PTPRD: variants seen among roughly 807,000 people sequenced by gnomAD.
PTPRD encodes protein tyrosine phosphatase receptor type D, also known as receptor-type tyrosine-protein phosphatase delta.
A neutral mutation model predicts 214.5 loss-of-function variants in PTPRD; 34 were observed. The ratio of observed to expected loss-of-function variants is 0.16; its 90% confidence interval spans 0.12 to 0.21. The LOEUF (loss-of-function observed/expected upper bound fraction) is 0.21. PTPRD is among the 10% of genes least tolerant of loss of function. The pLI, the probability that PTPRD is intolerant of heterozygous loss-of-function variation, is 1.00. For missense variants in PTPRD, 2,545 were observed against 2,398.7 expected (o/e 1.06, Z -1.27); for synonymous variants, 1,128 against 845.7 (o/e 1.33, Z -5.79).
At chr9:9,733,050 T>C (rs572106856) in intron 7 of PTPRD, among the ~76,000 whole-genome samples, 3 of 152,274 alleles carry the variant, frequency 2.0e-5, no homozygotes, top group African/African-American at 7.2e-5. Context: ...TCTCCAAAGG[T>C]AATGCAAAAT....
chr9:8,382,689 T>A (rs16927703), intron 37 of PTPRD, among the ~76,000 whole-genome samples: 1 of 152,196 alleles, frequency 6.6e-6, no homozygotes, highest in East Asian at 1.9e-4. Context: ...ATTGCCAACA[T>A]GAGCATCATT....
rs75530486 is a variant in PTPRD at position 8,610,013 on chromosome 9, A to C, written c.352+23304T>G. 4.8e-3 allele frequency among the ~76,000 whole-genome samples: 733 copies of C among 152,296 alleles called. 9 individuals carry two copies. Among genetic ancestry groups the C allele is most frequent in the African/African-American group, 0.017 (694 of 41,588 alleles). On this transcript the variant is annotated intron_variant, in intron 14 of 45. Transcript: ENST00000381196. The stretch of plus-strand genomic sequence containing the variant: ...TCAGGCTCCCTATTAGTAAAGTGGG[A>C]GAACTAATTTTCTACCTATCCCTCA...
At chr9:9,125,810 C>A (rs943936947) in intron 10 of PTPRD, among the ~76,000 whole-genome samples, 1 of 152,228 alleles carries the variant, frequency 6.6e-6, no homozygotes, top group African/African-American at 2.4e-5. Context: ...ACACAAACAA[C>A]AAATAAAGAG....
At chr9:9,516,526 A>ATTTTG (rs1386165072) in intron 8 of PTPRD, among the ~76,000 whole-genome samples, 1 of 149,936 alleles carries the variant, frequency 6.7e-6, no homozygotes, top group Non-Finnish European at 1.5e-5. Flanking sequence ...TATTTATTTT[A>ATTTTG]TTTTATTTTA....
At chr9:9,817,503 G>T (rs190640764) in intron 5 of PTPRD, among the ~76,000 whole-genome samples, 2 of 152,182 alleles carry the variant, frequency 1.3e-5, no homozygotes, top group East Asian at 3.9e-4. Flanking sequence ...TGTCTTTAGA[G>T]GCCAAATCTA....
chr9:10,264,331 G>A (rs527814115), intron 3 of PTPRD, among the ~76,000 whole-genome samples: 1 of 152,180 alleles, frequency 6.6e-6, no homozygotes, highest in Non-Finnish European at 1.5e-5. Context: ...CTCAATGGCA[G>A]TCCACAAAGG....
intron 3 of PTPRD, among the ~76,000 whole-genome samples, chr9:10,320,586 A>T (rs183076909): frequency 2.0e-5 from 3 of 152,150 alleles, no homozygotes; most frequent in African/African-American, 7.2e-5. Flanking sequence ...ATAACCCAAA[A>T]TATAACCCTG....
chr9:8,823,438 G>C (rs995168465), intron 11 of PTPRD, among the ~76,000 whole-genome samples: 3 of 152,176 alleles, frequency 2.0e-5, no homozygotes, highest in African/African-American at 7.2e-5. Context: ...TTTCCAAGCT[G>C]ATTTCCTTAT....
chr9:9,542,070 G>C (rs1266102133), intron 8 of PTPRD, among the ~76,000 whole-genome samples: 2 of 151,472 alleles, frequency 1.3e-5, no homozygotes, highest in Admixed American at 6.6e-5. Flanking sequence ...TCTTTGAAAA[G>C]ATCAAGAAAA....
intron 9 of PTPRD, among the ~76,000 whole-genome samples, chr9:9,191,317 T>C (rs2099935020): frequency 1.3e-5 from 2 of 152,060 alleles, no homozygotes; most frequent in Admixed American, 6.6e-5. Flanking sequence ...CTTCTGAGCC[T>C]TACCAAAAGC....
At chr9:9,663,859 T>A (rs916028581) in intron 7 of PTPRD, among the ~76,000 whole-genome samples, 1 of 151,502 alleles carries the variant, frequency 6.6e-6, no homozygotes, top group Admixed American at 6.6e-5. Flanking sequence ...AAAGCAAAGT[T>A]GTATGTGAAA....
At chr9:10,241,850 T>G (rs923165549) in intron 3 of PTPRD, among the ~76,000 whole-genome samples, 1 of 151,994 alleles carries the variant, frequency 6.6e-6, no homozygotes, top group Non-Finnish European at 1.5e-5. Flanking sequence ...TTGTCAATGA[T>G]ACTGCAATAA....
rs115085732 is a variant in PTPRD, at chr9:10,490,586, T to C, written c.-600+121812A>G. Among the ~76,000 whole-genome samples the C allele has an allele frequency of 2.3e-3, 346 of 152,298 alleles. 2 individuals carry two copies. The highest frequency in any genetic ancestry group is 8.0e-3 in the African/African-American group (332 of 41,582). The stretch of plus-strand genomic sequence containing the variant: ...ATTTCTTAAGTTTATTTGTCATTAG[T>C]TTGGCTTGAAATTTAAATGATTTTG... On this transcript the variant is annotated intron_variant, in intron 2 of 45. Coordinates refer to ENST00000381196, the MANE Select transcript of PTPRD (RefSeq NM_002839.4).
intron 11 of PTPRD, among the ~76,000 whole-genome samples, chr9:8,741,254 C>A (rs1348603724): frequency 6.6e-6 from 1 of 151,994 alleles, no homozygotes; most frequent in Non-Finnish European, 1.5e-5. Context: ...TGTTCCCCTA[C>A]AAATAGAACT....
chr9:8,392,895 G>A (rs1223552489), intron 36 of PTPRD, among the ~76,000 whole-genome samples: 5 of 152,066 alleles, frequency 3.3e-5, no homozygotes, highest in Non-Finnish European at 5.9e-5. Context: ...TAGAAAGGAT[G>A]GTGGTGTGTC....
At chr9:9,728,733 A>G (rs2098134633) in intron 7 of PTPRD, among the ~76,000 whole-genome samples, 1 of 152,166 alleles carries the variant, frequency 6.6e-6, no homozygotes, top group Non-Finnish European at 1.5e-5. Flanking sequence ...TTGTTGCTTA[A>G]TGACAGTTAA....
chr9:9,585,524 A>C (rs959173648), intron 7 of PTPRD, among the ~76,000 whole-genome samples: 1 of 152,070 alleles, frequency 6.6e-6, no homozygotes, highest in Non-Finnish European at 1.5e-5. Flanking sequence ...AAAATGTCCA[A>C]ACAAAATTTA....
At chr9:8,690,038 G>A (rs1216484779) in intron 12 of PTPRD, among the ~76,000 whole-genome samples, 1 of 151,242 alleles carries the variant, frequency 6.6e-6, no homozygotes, top group African/African-American at 2.4e-5. Flanking sequence ...AGCCCAGGAG[G>A]GGGAGGTTGC....
At chr9:8,643,936 T>C (rs1032093828) in intron 12 of PTPRD, among the ~76,000 whole-genome samples, 4 of 152,134 alleles carry the variant, frequency 2.6e-5, no homozygotes, top group African/African-American at 9.6e-5. Context: ...GCCTGAAGTC[T>C]GAGTGCTGGG....
Sources: gnomAD v4.1 joint callset for allele counts (sites outside exome capture counted in the v4.1 genomes callset) on GRCh38, gnomAD v4.1.1 for gene constraint, MANE v1.5 for transcripts, NCBI Gene and HGNC (gene_info 2026-07-23, HGNC 2026-07-21) for gene names.